The following CCDC73 variants were observed in gnomAD, a reference collection of about 807,000 sequenced individuals.
CCDC73 encodes the protein coiled-coil domain containing 73, also known as coiled-coil domain-containing protein 73.
In CCDC73, 95 loss-of-function variants were observed where a neutral mutation model predicts 116.5. The ratio of observed to expected loss-of-function variants is 0.82; its 90% CI spans 0.69 to 0.97. The LOEUF is 0.97. Among genes scored for constraint, CCDC73 ranks in the 50% least tolerant of loss-of-function variants. The probability of loss-of-function intolerance (pLI) is 0.00; values close to 1 mark genes in which losing one functional copy is unlikely to be tolerated. For missense variants in CCDC73, 1,066 were observed against 1,206.8 expected (o/e 0.88, Z 1.73); for synonymous variants, 398 against 401.3 (o/e 0.99, Z 0.10).
chr11:32,732,915 A>G (rs1850092849), intron 2 of CCDC73, among the ~76,000 whole-genome samples: 1 of 152,184 alleles, frequency 6.6e-6, no homozygotes. Flanking sequence ...TTCACACACA[A>G]TGACATTAAC....
intron 6 of CCDC73, among the ~76,000 whole-genome samples, chr11:32,696,144 C>T (rs1408495538): frequency 6.6e-6 from 1 of 152,088 alleles, no homozygotes; most frequent in Non-Finnish European, 1.5e-5. Context: ...TCAACCTCAA[C>T]TTCTTGCTAC....
intron 15 of CCDC73, among the ~76,000 whole-genome samples, chr11:32,615,488 G>C (rs1449688670): frequency 6.6e-6 from 1 of 152,004 alleles, no homozygotes; most frequent in Non-Finnish European, 1.5e-5. Flanking sequence ...ACTTAATCAA[G>C]ACATTAATTT....
intron 2 of CCDC73, among the ~76,000 whole-genome samples, chr11:32,753,167 G>T (rs1302071490): frequency 6.6e-6 from 1 of 151,936 alleles, no homozygotes; most frequent in Non-Finnish European, 1.5e-5. Flanking sequence ...TAAGAATCTA[G>T]TCATCATATC....
chr11:32,775,584 C>T (rs1850526669), intron 1 of CCDC73, among the ~76,000 whole-genome samples: 1 of 152,112 alleles, frequency 6.6e-6, no homozygotes, highest in African/African-American at 2.4e-5. Context: ...GCACCTAGGA[C>T]ATGACCAGAT....
At chr11:32,702,707 G>A (rs1341523630) in intron 4 of CCDC73, among the ~76,000 whole-genome samples, 166 bp downstream of exon 4, 1 of 152,058 alleles carries the variant, frequency 6.6e-6, no homozygotes, top group East Asian at 1.9e-4. Context: ...ACATTCTATT[G>A]TCAGTTGTGA....
At chr11:32,718,559 G>T (rs921645978) in intron 2 of CCDC73, among the ~76,000 whole-genome samples, 6 of 152,174 alleles carry the variant, frequency 3.9e-5, no homozygotes, top group Non-Finnish European at 1.5e-5. Context: ...TTACAGAAAA[G>T]GTTGAGAAAA....
intron 14 of CCDC73, among the ~76,000 whole-genome samples, chr11:32,629,462 G>A (rs1264654951): frequency 6.6e-6 from 1 of 150,934 alleles, no homozygotes; most frequent in East Asian, 1.9e-4. Context: ...CTGGAGTGGC[G>A]CGATCTCGGC....
chr11:32,763,681 G>T (rs759092613), intron 1 of CCDC73, among the ~76,000 whole-genome samples: 3 of 152,200 alleles, frequency 2.0e-5, no homozygotes, highest in Non-Finnish European at 4.4e-5. Flanking sequence ...GAGAAGAAAA[G>T]CTGAAAATTC....
intron 1 of CCDC73, among the ~76,000 whole-genome samples, chr11:32,765,299 C>T (rs1340624458): frequency 1.3e-5 from 2 of 152,202 alleles, no homozygotes; most frequent in Non-Finnish European, 2.9e-5. Flanking sequence ...CACCCCAAAT[C>T]GACATAATAT....
chr11:32,702,790 G>T (rs1849825146), intron 4 of CCDC73, 83 bp downstream of exon 4: 3 of 945,600 alleles, frequency 3.2e-6, no homozygotes, highest in Non-Finnish European at 5.2e-6. Flanking sequence ...TGACTATGGA[G>T]AACAGCTTGC....
intron 1 of CCDC73, among the ~76,000 whole-genome samples, chr11:32,787,605 T>A (rs1022591496): frequency 6.6e-6 from 1 of 152,160 alleles, no homozygotes; most frequent in African/African-American, 2.4e-5. Flanking sequence ...GTGAATACTC[T>A]CATAACTTGA....
Position 32,760,194 on chromosome 11 carries a change from C to T in CCDC73, c.50G>A (p.Ser17Asn). 1 of 1,593,608 alleles carries T rather than the reference C, an allele frequency of 6.3e-7. No individual in the cohort carries two copies. Among genetic ancestry groups the T allele is most frequent in the Non-Finnish European group, 8.6e-7 (1 of 1,166,316 alleles). The change falls in exon 2 of 18, where the codon AGT becomes AAT. Residue 17 changes from serine (S) to asparagine (N), a missense_variant. Ser to Asn is a conservative substitution (Grantham distance 46). Transcript: ENST00000335185. ...AATAGAAAACAATGTCTCTGAAGAA[C>T]TTTGAAGAGTAAAAGTAGATGATGA... ...TESSSTFTLQ[S>N]SSETLFSIQL...
At chr11:32,640,878 G>T (rs139655193) in intron 13 of CCDC73, among the ~76,000 whole-genome samples, 2 of 151,924 alleles carry the variant, frequency 1.3e-5, no homozygotes, top group South Asian at 4.1e-4. Flanking sequence ...TTAGCCGGGC[G>T]TGGTGGCGGG....
At chr11:32,711,111 G>A (rs1228756374) in intron 3 of CCDC73, among the ~76,000 whole-genome samples, 1 of 152,128 alleles carries the variant, frequency 6.6e-6, no homozygotes, top group Non-Finnish European at 1.5e-5. Context: ...ACTCCTGCAA[G>A]AATGGCCATA....
intron 14 of CCDC73, among the ~76,000 whole-genome samples, chr11:32,624,330 T>C (rs1855549310): frequency 6.6e-6 from 1 of 151,920 alleles, no homozygotes; most frequent in Non-Finnish European, 1.5e-5. Flanking sequence ...CAAGACTCCA[T>C]CTCCAAATAA....
chr11:32,781,265 G>A (rs539385138), intron 1 of CCDC73, among the ~76,000 whole-genome samples: 1 of 152,296 alleles, frequency 6.6e-6, no homozygotes, highest in Admixed American at 6.5e-5. Flanking sequence ...GTGGTATTTA[G>A]TTCCACTCCA....
intron 7 of CCDC73, among the ~76,000 whole-genome samples, chr11:32,678,891 A>AT (rs1362429354): frequency 1.9e-4 from 28 of 149,266 alleles, no homozygotes; most frequent in South Asian, 1.5e-3. Context: ...ACAAAAAAAA[A>AT]AAAAAAATAT....
chr11:32,740,883 G>A (rs892371258), intron 2 of CCDC73, among the ~76,000 whole-genome samples: 7 of 151,416 alleles, frequency 4.6e-5, no homozygotes, highest in Non-Finnish European at 5.9e-5. Flanking sequence ...TTCCATTATC[G>A]TTTGTCTCAA....
intron 17 of CCDC73, chr11:32,605,246 C>T (rs1221485955): frequency 6.9e-6 from 1 of 144,354 alleles, no homozygotes; most frequent in Non-Finnish European, 1.5e-5. Flanking sequence ...TTGGATTGCT[C>T]TGTTTGGCTC....
Sources: allele counts gnomAD v4.1 joint callset (sites outside exome capture counted in the v4.1 genomes callset), GRCh38; gene constraint gnomAD v4.1.1; transcripts MANE v1.5; gene names NCBI Gene and HGNC (gene_info 2026-07-23, HGNC 2026-07-21).